HYCC2: variants seen among roughly 807,000 people sequenced by gnomAD.
HYCC2 encodes hyccin PI4KA lipid kinase complex subunit 2.
the HYCC2 span, among the ~76,000 whole-genome samples, chr2:201,069,940 CT>C: frequency 3.9e-5 from 6 of 152,136 alleles, no homozygotes; most frequent in African/African-American, 1.4e-4. Context: ...TAAAGTTTTT[CT>C]GACATGCAGT....
At chr2:201,056,522 A>C in the HYCC2 span, among the ~76,000 whole-genome samples, 1 of 151,912 alleles carries the variant, frequency 6.6e-6, no homozygotes, top group Non-Finnish European at 1.5e-5. Context: ...TAAAAATACA[A>C]AATTAGCCAG....
the HYCC2 span, among the ~76,000 whole-genome samples, chr2:201,058,842 T>C: frequency 6.6e-6 from 1 of 152,240 alleles, no homozygotes; most frequent in African/African-American, 2.4e-5. Flanking sequence ...CTCCATATAT[T>C]TAGCTAAACA....
At chr2:201,060,062 G>A in the HYCC2 span, among the ~76,000 whole-genome samples, 1 of 143,472 alleles carries the variant, frequency 7.0e-6, no homozygotes, top group Non-Finnish European at 1.5e-5. Context: ...AGCGGGGGGG[G>A]GGGGGTTCTT....
At chr2:201,066,151 G>A in the HYCC2 span, among the ~76,000 whole-genome samples, 2 of 151,294 alleles carry the variant, frequency 1.3e-5, no homozygotes, top group Middle Eastern at 3.4e-3. Context: ...TTGGCTCACT[G>A]CAACCTCCAC....
chr2:201,004,405 A>C, the HYCC2 span, among the ~76,000 whole-genome samples: 1 of 152,208 alleles, frequency 6.6e-6, no homozygotes. Context: ...GTACTGCAGC[A>C]ATGCAGAGAT....
the HYCC2 span, among the ~76,000 whole-genome samples, chr2:201,056,012 C>T: frequency 3.9e-5 from 6 of 152,054 alleles, no homozygotes; most frequent in African/African-American, 9.7e-5. Context: ...CACGGTGAAA[C>T]CCCGTCTCTA....
At chr2:200,981,668 G>A in the HYCC2 span, 3 of 1,614,110 alleles carry the variant, frequency 1.9e-6, no homozygotes, top group East Asian at 2.2e-5. The surrounding 1 kb of genome is among the most constrained non-coding windows in gnomAD (Gnocchi z 4.5). Flanking sequence ...GAATCTCGAG[G>A]GCTCTCACTG....
chr2:201,021,775 C>T, the HYCC2 span: 3 of 290,254 alleles, frequency 1.0e-5, no homozygotes, highest in South Asian at 9.3e-5. Flanking sequence ...GGAATACACA[C>T]ATTCATTATT....
chr2:201,042,237 C>T, the HYCC2 span, among the ~76,000 whole-genome samples: 1 of 152,238 alleles, frequency 6.6e-6, no homozygotes, highest in Non-Finnish European at 1.5e-5. Context: ...GGATTGCAGA[C>T]GGAGTCTCGC....
chr2:201,041,084 T>G, the HYCC2 span, among the ~76,000 whole-genome samples: 1 of 152,180 alleles, frequency 6.6e-6, no homozygotes, highest in Admixed American at 6.5e-5. Flanking sequence ...TCATATAGTT[T>G]TTGTATACTT....
chr2:201,017,289 C>T, the HYCC2 span: 2 of 765,670 alleles, frequency 2.6e-6, no homozygotes, highest in Middle Eastern at 3.5e-4. Context: ...ATTAATTTCT[C>T]CACATTTTAA....
At chr2:201,029,190 A>AC in the HYCC2 span, among the ~76,000 whole-genome samples, 1 of 152,244 alleles carries the variant, frequency 6.6e-6, no homozygotes, top group African/African-American at 2.4e-5. Flanking sequence ...TATGCAGCCA[A>AC]CAGACACATG....
At chr2:201,049,484 G>A in the HYCC2 span, among the ~76,000 whole-genome samples, 2 of 151,472 alleles carry the variant, frequency 1.3e-5, no homozygotes, top group Non-Finnish European at 2.9e-5. Flanking sequence ...CCGAGTAGCT[G>A]GGAATACAGG....
chr2:201,035,601 T>A, the HYCC2 span, among the ~76,000 whole-genome samples: 1 of 152,204 alleles, frequency 6.6e-6, no homozygotes, highest in Non-Finnish European at 1.5e-5. Flanking sequence ...TTCTCTCAAC[T>A]CATCAAAGTC....
chr2:200,985,533 TG>T, the HYCC2 span, among the ~76,000 whole-genome samples: 1 of 152,048 alleles, frequency 6.6e-6, no homozygotes, highest in African/African-American at 2.4e-5. Flanking sequence ...TGTGGTGGCG[TG>T]CCTGTAGTCC....
the HYCC2 span, among the ~76,000 whole-genome samples, chr2:201,015,144 T>C: frequency 6.6e-6 from 1 of 152,196 alleles, no homozygotes; most frequent in African/African-American, 2.4e-5. Flanking sequence ...AGAATGGAAA[T>C]ATGATGCTGT....
chr2:200,987,416 T>C, the HYCC2 span: 2 of 1,289,532 alleles, frequency 1.6e-6, no homozygotes, highest in Admixed American at 2.3e-5. Context: ...TGCTCAGGGG[T>C]CCTGCGCACC....
At chr2:201,045,021 C>T in the HYCC2 span, among the ~76,000 whole-genome samples, 3 of 152,104 alleles carry the variant, frequency 2.0e-5, no homozygotes, top group Admixed American at 6.5e-5. Flanking sequence ...CAAACTTGAC[C>T]AACAACTATG....
At chr2:201,060,090 T>C in the HYCC2 span, among the ~76,000 whole-genome samples, 1 of 150,438 alleles carries the variant, frequency 6.6e-6, no homozygotes, top group African/African-American at 2.4e-5. Context: ...AACCACAACT[T>C]TTCTGGGGCA....
Sources: allele counts gnomAD v4.1 joint callset (sites outside exome capture counted in the v4.1 genomes callset), GRCh38; gene constraint gnomAD v4.1.1; non-coding constraint Gnocchi (gnomAD v3.1); transcripts MANE v1.5; gene names NCBI Gene and HGNC (gene_info 2026-07-23, HGNC 2026-07-21).